The following PPY variants were observed in gnomAD, a reference collection of about 807,000 sequenced individuals.
The protein encoded by PPY is pancreatic polypeptide, also known as pancreatic polypeptide prohormone.
PPY carries 6 observed loss-of-function variants against 9.3 expected under a neutral mutation model. That is an observed-to-expected ratio of 0.64 (90% CI 0.35 to 1.27). PPY has a LOEUF of 1.27. PPY is among the 50% of genes most tolerant of loss of function. The probability of loss-of-function intolerance (pLI) is 0.03; values close to 1 mark genes in which losing one functional copy is unlikely to be tolerated. For synonymous variants in PPY, 58 were observed against 54.6 expected, an observed-to-expected ratio of 1.06 and a Z score of -0.27; for missense variants, 109 against 119.1, an observed-to-expected ratio of 0.91 and a Z score of 0.40.
At chr17:43,943,343 A>C (rs887278966), upstream of PPY, among the ~76,000 whole-genome samples, 1 of 151,832 alleles carries the variant, frequency 6.6e-6, no homozygotes, top group Non-Finnish European at 1.5e-5. Context: ...CCAAAATTTA[A>C]CTCCAAACCT....
Position 43,941,211 on chromosome 17 carries a change from A to T in PPY, c.195T>A (p.Tyr65Ter). 1 of 1,551,528 alleles carries T rather than the reference A, an allele frequency of 6.4e-7. No homozygotes were observed. Among genetic ancestry groups the T allele is most frequent in the Non-Finnish European group, 8.7e-7 (1 of 1,146,970 alleles). The change falls in exon 3 of 4, where the codon TAT becomes TAA. Residue 65 changes from tyrosine to a stop codon, truncating the protein, a stop_gained. Coordinates refer to ENST00000225992, the MANE Select transcript of PPY (RefSeq NM_002722.5). LOFTEE classifies it high-confidence loss of function. ...RYINMLTRPR[Y>*]GKRHKEDTLA... ...GCGTGTCCTCTTTGTGTCTTTTCCCATACCTGGGAGGGAAGAGGCAGCAGG... is the reference window on the plus strand; with the variant it reads ...GCGTGTCCTCTTTGTGTCTTTTCCCTTACCTGGGAGGGAAGAGGCAGCAGG...
chr17:43,943,453 C>G (rs1313705514), upstream of PPY, among the ~76,000 whole-genome samples: 1 of 152,128 alleles, frequency 6.6e-6, no homozygotes, highest in Non-Finnish European at 1.5e-5. Context: ...GACGCTTGCT[C>G]AAGATCTCAT....
upstream of PPY, among the ~76,000 whole-genome samples, chr17:43,942,626 G>A (rs969291338): frequency 4.5e-4 from 68 of 152,344 alleles, no homozygotes; most frequent in African/African-American, 1.6e-3. This position sits in a 1 kb window ranked among gnomAD's most constrained non-coding sequence, Gnocchi z 5.3. Flanking sequence ...AGACGGGAGG[G>A]GGACAGGGCA....
intron 1 of PPY, 123 bp from the exon 2 acceptor site, chr17:43,941,777 G>A: frequency 7.1e-6 from 8 of 1,122,344 alleles, no homozygotes; most frequent in South Asian, 1.5e-5. Context: ...GGGGACAAGG[G>A]GGCAGAGCAA....
chr17:43,943,034 T>C (rs1394289462), upstream of PPY, among the ~76,000 whole-genome samples: 2 of 152,122 alleles, frequency 1.3e-5, no homozygotes, highest in East Asian at 3.9e-4. Flanking sequence ...GGTGCCAGGC[T>C]TGGAGAAACC....
rs1350778477 is a variant in PPY at position 43,941,126 on chromosome 17, C to A, written c.263+17G>T. 1.3e-6 allele frequency: 2 copies of A among 1,551,362 alleles called. No individual in the cohort carries two copies. Among genetic ancestry groups the A allele is most frequent in the East Asian group, 2.4e-5 (1 of 40,920 alleles). ...GCTCCAGGGAGCTGGACAGACAGGG[C>A]AGGGAGTCAAACTCACCTGGGGACA... On this transcript the variant is annotated intron_variant, in intron 3 of 3. Transcript: ENST00000225992.
In PPY at chr17:43,940,838, G is replaced by T; in HGVS notation, c.*90C>A. 2 of 1,499,950 alleles carry T rather than the reference G, an allele frequency of 1.3e-6. No individual in the cohort carries two copies. Among genetic ancestry groups the T allele is most frequent in the South Asian group, 1.2e-5 (1 of 82,942 alleles). 92.9% of individuals were successfully genotyped at this position (1,499,950 alleles called of 1,614,324 possible). A position where few individuals can be genotyped will look rare whatever the true frequency, so the allele number is the denominator to read the frequency against. On this transcript the variant is annotated 3_prime_UTR_variant, in exon 4 of 4. Coordinates refer to ENST00000225992, the MANE Select transcript of PPY (RefSeq NM_002722.5). ...CTTGCTTTATTGAGCCTGTGTGGGA[G>T]CAGGGAGCAAGCTTTGGCCAGAGCC...
chr17:43,943,047 T>C (rs1417924800), upstream of PPY, among the ~76,000 whole-genome samples: 1 of 151,974 alleles, frequency 6.6e-6, no homozygotes, highest in East Asian at 1.9e-4. Context: ...GAGAAACCCA[T>C]TTGGTGGGTG....
rs917864838 is a variant in PPY, at chr17:43,942,472, C to G, written c.-52G>C. 6.6e-6 allele frequency: 1 copy of G among 152,396 alleles called. No homozygotes were observed. The highest frequency in any genetic ancestry group is 1.9e-4 in the East Asian group (1 of 5,176). 9.4% of individuals were successfully genotyped at this position (152,396 alleles called of 1,614,324 possible). A position where few individuals can be genotyped will look rare whatever the true frequency, so the allele number is the denominator to read the frequency against. ...GACCAAGCGAGCACCTGCCTCAGGC[C>G]GGATGGGCCCCTGCCCTCGGCTGGG... On this transcript the variant is annotated 5_prime_UTR_variant, in exon 1 of 4. Coordinates refer to ENST00000225992, the MANE Select transcript of PPY (RefSeq NM_002722.5). The surrounding 1 kb of genome is among the most constrained non-coding windows in gnomAD (Gnocchi z 5.3).
chr17:43,941,256 T>G lies in PPY; in HGVS notation c.192-42A>C. 1.9e-6 allele frequency: 3 copies of G among 1,545,956 alleles called. No homozygotes were observed. The South Asian group carries it at 3.6e-5, about 18-fold the overall frequency. ...AGCAGGGGCAAGCACTGTGCCCAGG[T>G]GCCAGCCCACCTGTTTCATATCTGC... is the stretch of plus-strand genomic sequence containing the variant. On this transcript the variant is annotated intron_variant, in intron 2 of 3. Transcript: ENST00000225992.
At chr17:43,943,184 C>T (rs2048589424), upstream of PPY, among the ~76,000 whole-genome samples, 1 of 152,186 alleles carries the variant, frequency 6.6e-6, no homozygotes, top group Admixed American at 6.5e-5. Context: ...TAAAAACCAG[C>T]TTCATTTGTA....
chr17:43,941,386 G>A (rs1020608179), intron 2 of PPY, 78 bp downstream of exon 2: 5 of 1,593,092 alleles, frequency 3.1e-6, no homozygotes, highest in Middle Eastern at 1.8e-4. Context: ...TGGGGCTGGG[G>A]ATAGGGTGTG....
intron 2 of PPY, 34 bp downstream of exon 2, chr17:43,941,427 AGGG>A (rs2048576703): frequency 6.2e-7 from 1 of 1,612,316 alleles, no homozygotes; most frequent in African/African-American, 1.3e-5. Context: ...CCAGGGTCCC[AGGG>A]GCTGGGATCT....
chr17:43,944,075 G>T (rs1423000504), upstream of PPY, among the ~76,000 whole-genome samples: 1 of 152,226 alleles, frequency 6.6e-6, no homozygotes, highest in Non-Finnish European at 1.5e-5. Flanking sequence ...CTGGACTGAG[G>T]TTTTCCACTT....
Position 43,941,565 on chromosome 17 carries a change from G to A in PPY, c.90C>T (p.Ala30=). 2 of 1,613,918 alleles carry A rather than the reference G, an allele frequency of 1.2e-6. No homozygotes were observed. Among genetic ancestry groups the A allele is most frequent in the Non-Finnish European group, 1.7e-6 (2 of 1,180,010 alleles). The change falls in exon 2 of 4, where the codon GCC becomes GCT. Residue 30 remains alanine (A), a synonymous_variant. Coordinates refer to ENST00000225992, the MANE Select transcript of PPY (RefSeq NM_002722.5). ...CCCCTGGGTACACTGGCTCCAGTGG[G>A]GCTCCCTGGGCACCCAGCAGTGGCT... The part of the protein sequence containing the change: ...LLQPLLGAQG[A]PLEPVYPGDN...
At chr17:43,941,767 G>A in intron 1 of PPY, 113 bp from the exon 2 acceptor site, 1 of 1,167,668 alleles carries the variant, frequency 8.6e-7, no homozygotes, top group Non-Finnish European at 1.2e-6. Context: ...CTCCAAGCCT[G>A]GGGACAAGGG....
At chr17:43,940,993 C>A (rs1276901481) in intron 3 of PPY, 41 bp from the exon 4 acceptor site, 4 of 1,591,706 alleles carry the variant, frequency 2.5e-6, no homozygotes, top group Non-Finnish European at 3.4e-6. Flanking sequence ...AGGGGGTAGG[C>A]CTCGTGCCCT....
At chr17:43,941,744 C>T in intron 1 of PPY, 90 bp from the exon 2 acceptor site, 1 of 1,326,190 alleles carries the variant, frequency 7.5e-7, no homozygotes, top group Admixed American at 2.1e-5. Flanking sequence ...GCCCCTTAGC[C>T]CATCATCCAT....
At position 43,940,931 on chromosome 17, in the gene PPY, T is replaced by C. The variant is rs1016779270; in HGVS notation, c.285A>G (p.Leu95=). Residue 95 remains leucine, a synonymous_variant, in exon 4 of 4, where the codon TTA becomes TTG. Coordinates refer to ENST00000225992, the MANE Select transcript of PPY (RefSeq NM_002722.5). Reference sequence around the variant, plus strand: ...TCGTAGGAGACAGAAGGTGGCATTATAAGTCCAGCGGGCTGAGCTCCCTGT... The same window carrying C: ...TCGTAGGAGACAGAAGGTGGCATTACAAGTCCAGCGGGCTGAGCTCCCTGT... ...AVPRELSPLD[L] is the part of the protein sequence containing the mutation. The C allele has an allele frequency of 1.2e-6, 2 of 1,607,884 alleles. No individual in the cohort carries two copies. The highest frequency in any genetic ancestry group is 1.7e-6 in the Non-Finnish European group (2 of 1,177,494).
Sources: gnomAD v4.1 joint callset for allele counts (sites outside exome capture counted in the v4.1 genomes callset) on GRCh38, gnomAD v4.1.1 for gene constraint, Gnocchi (gnomAD v3.1) non-coding constraint, MANE v1.5 for transcripts, NCBI Gene and HGNC (gene_info 2026-07-23, HGNC 2026-07-21) for gene names.